MKRN1: variants seen among roughly 807,000 people sequenced by gnomAD.
MKRN1 encodes E3 ubiquitin-protein ligase makorin-1.
In MKRN1, 9 loss-of-function variants were observed where a neutral mutation model predicts 55.5. The ratio of observed to expected loss-of-function variants is 0.16; its 90% confidence interval spans 0.10 to 0.28. MKRN1 has a LOEUF of 0.28. Ranked by LOEUF, MKRN1 falls within the 10% of genes least tolerant of loss-of-function variation. The probability of loss-of-function intolerance (pLI) is 1.00; values close to 1 mark genes in which losing one functional copy is unlikely to be tolerated. For synonymous variants in MKRN1, 253 were observed against 235.9 expected, an observed-to-expected ratio of 1.07 and a Z score of -0.66; for missense variants, 488 against 626.7, an observed-to-expected ratio of 0.78 and a Z score of 2.36.
chr7:140,466,943 AAAC>A (rs1794790545), intron 2 of MKRN1, among the ~76,000 whole-genome samples: 1 of 151,860 alleles, frequency 6.6e-6, no homozygotes, highest in South Asian at 2.1e-4. Context: ...AGAAAGAAAC[AAAC>A]AACAAACCAA....
chr7:140,463,113 T>C (rs1016729947), intron 2 of MKRN1, among the ~76,000 whole-genome samples: 1 of 152,164 alleles, frequency 6.6e-6, no homozygotes, highest in African/African-American at 2.4e-5. Context: ...TTCATATTCC[T>C]CCTCTTAAGC....
chr7:140,463,886 C>A (rs1156401957), intron 2 of MKRN1, among the ~76,000 whole-genome samples: 4 of 149,968 alleles, frequency 2.7e-5, no homozygotes, highest in African/African-American at 9.8e-5. Flanking sequence ...AAGACTCCAT[C>A]TCAAAAAAAA....
intron 1 of MKRN1, chr7:140,478,144 A>G (rs1585504423): frequency 6.6e-6 from 1 of 152,240 alleles, no homozygotes; most frequent in South Asian, 2.1e-4. Context: ...CTTGCATATA[A>G]ATTATACCAC....
rs761437544 is a variant in MKRN1, at chr7:140,455,762, G to A, written c.1097+28C>T. ...GAACCCAAGCTCTGTTGGGCTCTTC[G>A]CTTGAGAAAAGGCTGCAGTGCTCAT... On this transcript the variant is annotated intron_variant, in intron 6 of 7. Transcript: ENST00000255977. 10 of 1,552,458 alleles carry A rather than the reference G, an allele frequency of 6.4e-6. No homozygotes were observed. The South Asian group carries it at 7.8e-5, about 12-fold the overall frequency.
intron 2 of MKRN1, among the ~76,000 whole-genome samples, chr7:140,463,710 C>CTCGT: frequency 6.6e-6 from 1 of 151,932 alleles, no homozygotes; most frequent in Non-Finnish European, 1.5e-5. Flanking sequence ...ACGGTGAAAC[C>CTCGT]TCGTCTCTAC....
chr7:140,470,147 G>A (rs1466196745), intron 2 of MKRN1, among the ~76,000 whole-genome samples: 1 of 151,730 alleles, frequency 6.6e-6, no homozygotes, highest in Non-Finnish European at 1.5e-5. Flanking sequence ...CTCGAACGCG[G>A]GAGGCAGAGG....
At chr7:140,457,721 AT>A (rs1266083659) in intron 4 of MKRN1, among the ~76,000 whole-genome samples, 1 of 152,140 alleles carries the variant, frequency 6.6e-6, no homozygotes, top group African/African-American at 2.4e-5. Flanking sequence ...AATAAAAAAA[AT>A]AACACTGCAG....
At chr7:140,476,205 T>C (rs1165070666) in intron 1 of MKRN1, among the ~76,000 whole-genome samples, 2 of 152,164 alleles carry the variant, frequency 1.3e-5, no homozygotes, top group Non-Finnish European at 1.5e-5. Context: ...AGCAAACATA[T>C]TGAAAATGTT....
intron 1 of MKRN1, chr7:140,478,531 C>G (rs1795189766): frequency 6.7e-6 from 1 of 149,840 alleles, no homozygotes; most frequent in South Asian, 2.1e-4. Flanking sequence ...ACGCCTGCTT[C>G]TAAGACAAAG....
chr7:140,460,117 C>T (rs548438129), intron 2 of MKRN1, 181 bp from the exon 3 acceptor site: 12 of 615,190 alleles, frequency 2.0e-5, no homozygotes, highest in African/African-American at 1.3e-4. Flanking sequence ...GGCATGGTGG[C>T]GCACCTGTAA....
At chr7:140,454,963 T>C in intron 7 of MKRN1, 132 bp downstream of exon 7, 5 of 1,324,506 alleles carry the variant, frequency 3.8e-6, no homozygotes, top group African/African-American at 1.5e-5. Flanking sequence ...TGAGGTTTGT[T>C]TCCTCCTTTA....
chr7:140,461,772 T>C (rs1585472878), intron 2 of MKRN1, among the ~76,000 whole-genome samples: 1 of 151,596 alleles, frequency 6.6e-6, no homozygotes, highest in African/African-American at 2.4e-5. Flanking sequence ...TCACCTGAGG[T>C]TGGGAGTTCG....
At chr7:140,458,537 T>G (rs1305809730) in intron 4 of MKRN1, among the ~76,000 whole-genome samples, 1 of 152,208 alleles carries the variant, frequency 6.6e-6, no homozygotes, top group Non-Finnish European at 1.5e-5. Flanking sequence ...GGGTGTAGGA[T>G]GATCAAATTA....
Position 140,474,001 on chromosome 7 carries a change from AAAAAAAAGAAAGAAAG to A in MKRN1, c.186-2006_186-1991del, listed in dbSNP as rs1292202428. Among the ~76,000 whole-genome samples the A allele has an allele frequency of 2.6e-4, 27 of 103,366 alleles. 3 individuals are homozygous for A. Among genetic ancestry groups the A allele is most frequent in the East Asian group, 1.5e-3 (6 of 3,958 alleles). The allele number at this position is 103,366 out of a possible 152,430, so 67.8% of individuals were successfully genotyped here. A position where few individuals can be genotyped will look rare whatever the true frequency, so the allele number is the denominator to read the frequency against. ...CAGCGAAACTCCGTCTCAAAAAAAA[AAAAAAAAGAAAGAAAG>A]AAAGAAAGAAAGAAAGAAAGAAAGA... is the stretch of plus-strand genomic sequence containing the variant. On this transcript the variant is annotated intron_variant, in intron 1 of 7. Transcript: ENST00000255977.
Position 140,479,210 on chromosome 7 carries a change from G to A in MKRN1, c.135C>T (p.Gly45=). ...TAPSLGAGGG[G]GGSDGSGGGW... ...CGCCGCCGCTGCCGTCGCTGCCGCCGCCCCCTCCGCCCGCCCCCAGGGACG... is the reference window on the plus strand; with the variant it reads ...CGCCGCCGCTGCCGTCGCTGCCGCCACCCCCTCCGCCCGCCCCCAGGGACG... The change falls in exon 1 of 8, where the codon GGC becomes GGT. Residue 45 remains glycine, a synonymous_variant. Coordinates refer to ENST00000255977, the MANE Select transcript of MKRN1 (RefSeq NM_013446.4). 2.1e-6 allele frequency: 3 copies of A among 1,462,024 alleles called. No homozygotes were observed. The highest frequency in any genetic ancestry group is 2.6e-5 in the Admixed American group (1 of 38,098). 90.6% of individuals were successfully genotyped at this position (1,462,024 alleles called of 1,614,324 possible). A position where few individuals can be genotyped will look rare whatever the true frequency, so the allele number is the denominator to read the frequency against.
At chr7:140,477,683 CCTT>C (rs61034923) in intron 1 of MKRN1, among the ~76,000 whole-genome samples, 23,781 of 152,050 alleles carry the variant, frequency 0.16, 2,189 homozygotes, top group African/African-American at 0.26. Context: ...GTCTCGAACT[CCTT>C]ACCTCAGGCG....
chr7:140,459,494 T>C (rs1022947532), intron 3 of MKRN1, among the ~76,000 whole-genome samples: 3 of 152,192 alleles, frequency 2.0e-5, no homozygotes, highest in Non-Finnish European at 4.4e-5. Flanking sequence ...CTCGAAAGGA[T>C]TCAGTTTTTC....
In MKRN1 at chr7:140,462,325, G is replaced by A. The variant is rs559145356; in HGVS notation, c.315-2389C>T. Among the ~76,000 whole-genome samples, 7 of 152,272 alleles carry A rather than the reference G, an allele frequency of 4.6e-5. No individual in the cohort carries two copies. In the East Asian group the frequency reaches 7.7e-4, roughly 17 times the overall value. ...CATGAGCCACCGTGCTCGGCACACC[G>A]AGTTTTATTCAGATGCTATGTATTA... is the stretch of plus-strand genomic sequence containing the variant. On this transcript the variant is annotated intron_variant, in intron 2 of 7. Coordinates refer to ENST00000255977, the MANE Select transcript of MKRN1 (RefSeq NM_013446.4).
At chr7:140,463,418 T>C (rs1794677956) in intron 2 of MKRN1, among the ~76,000 whole-genome samples, 2 of 152,198 alleles carry the variant, frequency 1.3e-5, no homozygotes, top group African/African-American at 2.4e-5. Flanking sequence ...CAGACTTACA[T>C]ACAATTTTAA....
Sources: allele counts gnomAD v4.1 joint callset (sites outside exome capture counted in the v4.1 genomes callset), GRCh38; gene constraint gnomAD v4.1.1; transcripts MANE v1.5; gene names NCBI Gene and HGNC (gene_info 2026-07-23, HGNC 2026-07-21).